The following IL6R variants were observed in gnomAD, a reference collection of about 807,000 sequenced individuals.
IL6R encodes the protein interleukin-6 receptor subunit alpha.
In IL6R, 38 loss-of-function variants were observed where a neutral mutation model predicts 48.3. The ratio of observed to expected loss-of-function variants is 0.79; its 90% CI spans 0.61 to 1.03. The LOEUF (loss-of-function observed/expected upper bound fraction) is 1.03. Among genes scored for constraint, IL6R ranks in the 50% least tolerant of loss-of-function variants. The probability of loss-of-function intolerance (pLI) is 0.00; values close to 1 mark genes in which losing one functional copy is unlikely to be tolerated. For synonymous variants in IL6R, 264 were observed against 256.2 expected (o/e 1.03, Z -0.29); for missense variants, 534 against 618.3 (o/e 0.86, Z 1.45).
chr1:154,435,380 G>A (rs1370345989), intron 5 of IL6R, among the ~76,000 whole-genome samples: 3 of 152,020 alleles, frequency 2.0e-5, no homozygotes, highest in African/African-American at 7.2e-5. Context: ...GTGTGGTGGC[G>A]CACGCCTGTA....
At chr1:154,434,211 G>T (rs1430474450) in intron 3 of IL6R, among the ~76,000 whole-genome samples, 3 of 151,980 alleles carry the variant, frequency 2.0e-5, no homozygotes, top group Admixed American at 2.0e-4. Flanking sequence ...GGAGGCTGAG[G>T]CAGGAGAATC....
In IL6R at chr1:154,454,551, G is replaced by A. The variant is rs752283963; in HGVS notation, c.1130G>A (p.Gly377Glu). The change falls in exon 9 of 10, where the codon GGA becomes GAA. Residue 377 changes from glycine (G) to glutamate (E), a missense_variant. Transcript: ENST00000368485. ...FLVAGGSLAF[G>E]TLLCIAIVLR... Reference sequence around the variant, plus strand: ...GTTGCTGGAGGGAGCCTGGCCTTCGGAACGCTCCTCTGCATTGCCATTGTT... The same window carrying A: ...GTTGCTGGAGGGAGCCTGGCCTTCGAAACGCTCCTCTGCATTGCCATTGTT... The A allele has an allele frequency of 2.5e-6, 4 of 1,613,636 alleles. No homozygotes were observed. Among genetic ancestry groups the A allele is most frequent in the Non-Finnish European group, 8.5e-7 (1 of 1,179,758 alleles).
At chr1:154,458,699 G>A (rs558779410) in intron 9 of IL6R, among the ~76,000 whole-genome samples, 1 of 152,230 alleles carries the variant, frequency 6.6e-6, no homozygotes, top group Admixed American at 6.5e-5. Flanking sequence ...TCAGGAGTTC[G>A]AGACCAGCCT....
At chr1:154,457,226 A>C (rs530360804) in intron 9 of IL6R, among the ~76,000 whole-genome samples, 3 of 150,714 alleles carry the variant, frequency 2.0e-5, no homozygotes, top group South Asian at 2.1e-4. Flanking sequence ...GGGAGGCTGA[A>C]GCAGGAGAAT....
At chr1:154,425,001 G>C (rs1159819797) in intron 1 of IL6R, among the ~76,000 whole-genome samples, 1 of 152,062 alleles carries the variant, frequency 6.6e-6, no homozygotes, top group African/African-American at 2.4e-5. Context: ...ACGTGACTGG[G>C]GGCTGCATGC....
rs1453312847 is a variant in IL6R, at chr1:154,467,981, C to T, written c.*2601C>T. On this transcript the variant is annotated 3_prime_UTR_variant, in exon 10 of 10. Coordinates refer to ENST00000368485, the MANE Select transcript of IL6R (RefSeq NM_000565.4). The stretch of plus-strand genomic sequence containing the variant: ...ACCATGCTAGCGGAAGATGTGAAAT[C>T]CAGATAGCTCATTATTGCCAAGAGC... The T allele has an allele frequency of 6.6e-6, 1 of 152,186 alleles. No homozygotes were observed. The highest frequency in any genetic ancestry group is 1.5e-5 in the Non-Finnish European group (1 of 68,052). 9.4% of individuals were successfully genotyped at this position (152,186 alleles called of 1,614,324 possible).
chr1:154,423,279 A>ATATATATATATATATATATATG (rs1553305316), intron 1 of IL6R, among the ~76,000 whole-genome samples: 3 of 140,748 alleles, frequency 2.1e-5, no homozygotes, highest in South Asian at 2.2e-4. Flanking sequence ...ATATATATAT[A>ATATATATATATATATATATATG]TATATGTATT....
chr1:154,447,264 C>T (rs1690278532), intron 6 of IL6R, among the ~76,000 whole-genome samples: 1 of 151,258 alleles, frequency 6.6e-6, no homozygotes, highest in Non-Finnish European at 1.5e-5. Context: ...TATGGTGAAA[C>T]CCTGTCTCTA....
At chr1:154,462,758 C>T (rs1325481351) in intron 9 of IL6R, among the ~76,000 whole-genome samples, 3 of 151,992 alleles carry the variant, frequency 2.0e-5, no homozygotes, top group Non-Finnish European at 4.4e-5. Context: ...ATTGGTGGCA[C>T]CCAAACATTA....
chr1:154,459,917 C>T (rs1691146338), intron 9 of IL6R, among the ~76,000 whole-genome samples: 1 of 152,122 alleles, frequency 6.6e-6, no homozygotes, highest in African/African-American at 2.4e-5. Flanking sequence ...TGTAGTGTAT[C>T]ATTCCGGTAT....
intron 1 of IL6R, among the ~76,000 whole-genome samples, chr1:154,420,511 T>TTTTATTTTATTTATTTATTTA (rs1553304888): frequency 6.8e-6 from 1 of 147,776 alleles, no homozygotes; most frequent in Non-Finnish European, 1.5e-5. Context: ...CTTTATTTTA[T>TTTTATTTTATTTATTTATTTA]TTTATTTATT....
At position 154,434,974 on chromosome 1, in the gene IL6R, C is replaced by A; in HGVS notation, c.641-16C>A. On this transcript the variant is annotated splice_polypyrimidine_tract_variant and intron_variant, in intron 4 of 9. Transcript: ENST00000368485. ...TATTTGGTGCTGCAAAGGAGTCATG[C>A]TCACTTTTCCCACAGTGCAGCCTGA... 6.2e-7 allele frequency: 1 copy of A among 1,612,984 alleles called. No homozygotes were observed. Among genetic ancestry groups the A allele is most frequent in the Non-Finnish European group, 8.5e-7 (1 of 1,179,604 alleles).
At chr1:154,424,166 A>G (rs1688845505) in intron 1 of IL6R, among the ~76,000 whole-genome samples, 1 of 152,174 alleles carries the variant, frequency 6.6e-6, no homozygotes, top group African/African-American at 2.4e-5. Context: ...TTCACCTGCA[A>G]ACCGTGCGCC....
intron 4 of IL6R, 143 bp downstream of exon 4, chr1:154,434,843 T>C: frequency 8.4e-7 from 1 of 1,184,140 alleles, no homozygotes; most frequent in Non-Finnish European, 1.2e-6. Flanking sequence ...CCGGGAGGTG[T>C]GGCAATGATA....
chr1:154,425,451 C>T (rs1011404737), intron 1 of IL6R, among the ~76,000 whole-genome samples: 2 of 152,144 alleles, frequency 1.3e-5, no homozygotes, highest in African/African-American at 4.8e-5. Context: ...AGCAGTGAGA[C>T]TGAACGAACT....
chr1:154,453,834 G>C (rs1057383852), intron 8 of IL6R, among the ~76,000 whole-genome samples: 1 of 152,156 alleles, frequency 6.6e-6, no homozygotes, highest in Non-Finnish European at 1.5e-5. Context: ...GCCAAGTAGG[G>C]ACTAGACCAC....
At chr1:154,407,838 C>G (rs981028212) in intron 1 of IL6R, among the ~76,000 whole-genome samples, 1 of 152,172 alleles carries the variant, frequency 6.6e-6, no homozygotes, top group Non-Finnish European at 1.5e-5. Flanking sequence ...TCTGCCGGTT[C>G]CAACACTCTG....
chr1:154,457,736 G>A (rs1043494157), intron 9 of IL6R, among the ~76,000 whole-genome samples: 2 of 152,128 alleles, frequency 1.3e-5, no homozygotes, highest in Admixed American at 1.3e-4. Flanking sequence ...AAAGATGTCA[G>A]GCTGGGTCTT....
At chr1:154,409,077 G>T (rs1687886323) in intron 1 of IL6R, among the ~76,000 whole-genome samples, 1 of 152,166 alleles carries the variant, frequency 6.6e-6, no homozygotes, top group Admixed American at 6.5e-5. Flanking sequence ...AGTCCAGTCT[G>T]CATGGAGCCA....
Sources: allele counts gnomAD v4.1 joint callset (sites outside exome capture counted in the v4.1 genomes callset), GRCh38; gene constraint gnomAD v4.1.1; transcripts MANE v1.5; gene names NCBI Gene and HGNC (gene_info 2026-07-23, HGNC 2026-07-21).